Variants in SDK1 observed in about 807,000 individuals in gnomAD.
The protein encoded by SDK1 is protein sidekick-1.
SDK1 carries 157 observed loss-of-function variants against 245.5 expected under a neutral mutation model. The observed-to-expected ratio is 0.64, with a 90% CI of 0.56 to 0.73. The LOEUF (loss-of-function observed/expected upper bound fraction) is 0.73. Among genes scored for constraint, SDK1 ranks in the 30% least tolerant of loss-of-function variants. The pLI is 0.00. For synonymous variants in SDK1, 1,647 were observed against 1,278.5 expected (o/e 1.29, Z -6.15); for missense variants, 3,583 against 3,002.3 (o/e 1.19, Z -4.52).
rs747008374 is a variant in SDK1, at chr7:3,958,906, CT to C, written c.1151-17del. 3.0e-5 allele frequency: 48 copies of C among 1,582,214 alleles called. No homozygotes were observed. Among genetic ancestry groups the C allele is most frequent in the Non-Finnish European group, 3.6e-5 (41 of 1,151,912 alleles). ...GACATATCCTTCTTTGGCTTAGGGG[CT>C]TTTTTTTATTTTCTTGTTTGAAGAG... On this transcript the variant is annotated intron_variant, in intron 7 of 44. Transcript: ENST00000404826.
chr7:4,165,294 G>C (rs550464394), intron 32 of SDK1, among the ~76,000 whole-genome samples: 1 of 152,140 alleles, frequency 6.6e-6, no homozygotes, highest in Non-Finnish European at 1.5e-5. Context: ...GGGAGGTGGA[G>C]GTTGCAGTGA....
chr7:3,609,401 TTTTC>T (rs1781521401), intron 1 of SDK1, among the ~76,000 whole-genome samples: 1 of 151,900 alleles, frequency 6.6e-6, no homozygotes, highest in African/African-American at 2.4e-5. Context: ...GGATTTTTCT[TTTTC>T]TTTTTCTTTT....
chr7:3,452,467 C>T (rs1780544717), intron 1 of SDK1, among the ~76,000 whole-genome samples: 1 of 152,120 alleles, frequency 6.6e-6, no homozygotes, highest in South Asian at 2.1e-4. Context: ...ATAAAGGTAA[C>T]CTTATAATTA....
At chr7:3,571,698 A>G (rs1780121541) in intron 1 of SDK1, among the ~76,000 whole-genome samples, 1 of 152,098 alleles carries the variant, frequency 6.6e-6, no homozygotes, top group South Asian at 2.1e-4. Flanking sequence ...ACCTTTTTGA[A>G]GTAATCTGCT....
In SDK1 at chr7:4,067,952, C is replaced by T. The variant is rs752744105; in HGVS notation, c.3010+16C>T. 19 of 1,570,988 alleles carry T rather than the reference C, an allele frequency of 1.2e-5. No individual in the cohort carries two copies. In the East Asian group the frequency reaches 4.0e-4, roughly 33 times the overall value. ...ATCATTACTGGTAAGTAGGCCTGTC[C>T]TTCAAAAAAGGAAAAGATAAGTTTG... On this transcript the variant is annotated intron_variant, in intron 20 of 44. Transcript: ENST00000404826.
chr7:4,073,084 C>A (rs532150259), intron 20 of SDK1, among the ~76,000 whole-genome samples: 1 of 152,200 alleles, frequency 6.6e-6, no homozygotes, highest in Non-Finnish European at 1.5e-5. Flanking sequence ...GCTCCTCTGG[C>A]CATTAGTCTC....
At chr7:3,321,778 C>CTTCCTTCCT (rs1337962419) in intron 1 of SDK1, among the ~76,000 whole-genome samples, 3 of 50,376 alleles carry the variant, frequency 6.0e-5, no homozygotes, top group African/African-American at 8.9e-5. Flanking sequence ...TTCCTTCCTT[C>CTTCCTTCCT]TCCTTCCTTC....
intron 5 of SDK1, among the ~76,000 whole-genome samples, chr7:3,935,307 A>T (rs1780116499): frequency 6.6e-6 from 1 of 152,042 alleles, no homozygotes; most frequent in African/African-American, 2.4e-5. Context: ...GAACTATAAA[A>T]CTCCTAGAAG....
intron 1 of SDK1, among the ~76,000 whole-genome samples, chr7:3,492,127 G>A (rs922752367): frequency 6.6e-6 from 1 of 152,070 alleles, no homozygotes; most frequent in Non-Finnish European, 1.5e-5. Context: ...GATATTTTTA[G>A]GCACTTAGGA....
chr7:3,357,053 GAAAAA>G (rs35467524), intron 1 of SDK1, among the ~76,000 whole-genome samples: 42 of 81,286 alleles, frequency 5.2e-4, no homozygotes, highest in South Asian at 9.4e-4. Context: ...AGACTCTCTC[GAAAAA>G]AAAAAAAAAA....
chr7:3,932,103 A>C (rs1311609418), intron 5 of SDK1, among the ~76,000 whole-genome samples: 1 of 152,198 alleles, frequency 6.6e-6, no homozygotes, highest in Non-Finnish European at 1.5e-5. Context: ...GGTTCTTAAT[A>C]TATTTGAACA....
intron 5 of SDK1, among the ~76,000 whole-genome samples, chr7:3,876,999 C>A (rs1252586830): frequency 6.6e-6 from 1 of 152,174 alleles, no homozygotes; most frequent in African/African-American, 2.4e-5. Flanking sequence ...GTCCCTCTGC[C>A]CCTCTCCCAT....
At chr7:3,476,362 C>G (rs940212463) in intron 1 of SDK1, among the ~76,000 whole-genome samples, 4 of 152,158 alleles carry the variant, frequency 2.6e-5, no homozygotes, top group Non-Finnish European at 4.4e-5. Flanking sequence ...CTAACACTAC[C>G]AGGGCTATGT....
At chr7:3,734,042 G>A (rs778890670) in intron 4 of SDK1, among the ~76,000 whole-genome samples, 1 of 152,200 alleles carries the variant, frequency 6.6e-6, no homozygotes, top group Admixed American at 6.5e-5. Context: ...GTAAGCCCTG[G>A]CTGTGCCCTG....
chr7:4,020,287 G>C (rs963982518), intron 17 of SDK1, among the ~76,000 whole-genome samples: 1 of 152,012 alleles, frequency 6.6e-6, no homozygotes, highest in Non-Finnish European at 1.5e-5. Flanking sequence ...CCATGGCCTG[G>C]GGGACATGGC....
intron 4 of SDK1, among the ~76,000 whole-genome samples, chr7:3,782,126 G>GGC (rs1780764809): frequency 6.6e-6 from 1 of 152,186 alleles, no homozygotes; most frequent in South Asian, 2.1e-4. Context: ...ATGTTTCATG[G>GGC]GCTCATGGTT....
At chr7:3,654,575 C>G (rs964976117) in intron 4 of SDK1, among the ~76,000 whole-genome samples, 1 of 152,206 alleles carries the variant, frequency 6.6e-6, no homozygotes, top group Admixed American at 6.5e-5. Context: ...CGCAGTTGGA[C>G]TTAATGAAGG....
chr7:3,359,698 C>T (rs1780901621), intron 1 of SDK1, among the ~76,000 whole-genome samples: 1 of 152,194 alleles, frequency 6.6e-6, no homozygotes, highest in Non-Finnish European at 1.5e-5. Context: ...TGAGGATGCT[C>T]GAGCTGTATC....
intron 1 of SDK1, among the ~76,000 whole-genome samples, chr7:3,305,171 A>G (rs1779385138): frequency 1.3e-5 from 2 of 152,176 alleles, no homozygotes; most frequent in South Asian, 2.1e-4. Flanking sequence ...ATTCCTACTG[A>G]AACTGTTGAG....
Sources: gnomAD v4.1 joint callset for allele counts (sites outside exome capture counted in the v4.1 genomes callset) on GRCh38, gnomAD v4.1.1 for gene constraint, MANE v1.5 for transcripts, NCBI Gene and HGNC (gene_info 2026-07-23, HGNC 2026-07-21) for gene names.